Variants in PYGB observed in about 807,000 individuals in gnomAD.
PYGB encodes glycogen phosphorylase, brain form.
PYGB carries 82 observed loss-of-function variants against 94.3 expected under a neutral mutation model. That is an observed-to-expected ratio of 0.87 (90% CI 0.73 to 1.04). PYGB has a LOEUF of 1.04. Ranked by LOEUF, PYGB falls within the 50% of genes least tolerant of loss-of-function variation. The pLI, the probability that PYGB is intolerant of heterozygous loss-of-function variation, is 0.00. For missense variants in PYGB, 1,132 were observed against 1,158.2 expected (o/e 0.98, Z 0.33); for synonymous variants, 488 against 479.1 (o/e 1.02, Z -0.24).
At chr20:25,275,240 G>A (rs1297397739) in intron 5 of PYGB, among the ~76,000 whole-genome samples, 1 of 152,278 alleles carries the variant, frequency 6.6e-6, no homozygotes, top group Non-Finnish European at 1.5e-5. Flanking sequence ...ATCCGGGGAT[G>A]GGGCCAGGCC....
In PYGB at chr20:25,280,259, G is replaced by A; in HGVS notation, c.1093-7G>A. The A allele has an allele frequency of 4.3e-6, 7 of 1,613,788 alleles. No homozygotes were observed. Among genetic ancestry groups the A allele is most frequent in the East Asian group, 2.2e-5 (1 of 44,884 alleles). On this transcript the variant is annotated splice_polypyrimidine_tract_variant and splice_region_variant and intron_variant, in intron 9 of 19. Coordinates refer to ENST00000216962, the MANE Select transcript of PYGB (RefSeq NM_002862.4). ...CAAACACATGGGAACATTCTCTAAT[G>A]GCCTAGGCCTGGGAAATCACGAAGA...
In PYGB at chr20:25,283,212, C is replaced by T. The variant is rs1210713436; in HGVS notation, c.1555C>T (p.Leu519=). 6.2e-7 allele frequency: 1 copy of T among 1,613,756 alleles called. No homozygotes were observed. The highest frequency in any genetic ancestry group is 1.3e-5 in the African/African-American group (1 of 74,910). Residue 519 remains leucine, a synonymous_variant, in exon 13 of 20, where the codon CTG becomes TTG. Transcript: ENST00000216962. Reference sequence around the variant, plus strand: ...GGAGTTCCTGACTGACCTGAGCCAGCTGAAGAAGCTGCTGCCGCTGGTCAG... The same window carrying T: ...GGAGTTCCTGACTGACCTGAGCCAGTTGAAGAAGCTGCTGCCGCTGGTCAG... ...GEEFLTDLSQ[L]KKLLPLVSDE... is the part of the protein sequence containing the mutation.
At position 25,277,333 on chromosome 20, in the gene PYGB, A is replaced by G. The variant is rs772585110; in HGVS notation, c.855+7A>G. The G allele has an allele frequency of 7.1e-6, 11 of 1,551,570 alleles. No individual in the cohort carries two copies. In the Admixed American group the frequency reaches 1.2e-4, roughly 16 times the overall value. ...CCTGTATCCAAATGATAACGTGAGT[A>G]GCTGGCCTGGGCACTCTTGCTCAGG... is the stretch of plus-strand genomic sequence containing the variant. On this transcript the variant is annotated splice_region_variant and intron_variant, in intron 7 of 19. Transcript: ENST00000216962.
Position 25,248,258 on chromosome 20 carries a change from A to G in PYGB, c.80A>G (p.Glu27Gly). 1 of 1,599,476 alleles carries G rather than the reference A, an allele frequency of 6.3e-7. No homozygotes were observed. Residue 27 changes from glutamate (E) to glycine (G), a missense_variant, in exon 1 of 20, where the codon GAG (glutamate) becomes GGG (glycine). Transcript: ENST00000216962. ...RGLAGLGDVA[E>G]VRKSFNRHLH... is the part of the protein sequence containing the mutation. ...CTGGCGGGGCTAGGCGACGTGGCCGAGGTGCGGAAGAGCTTCAACCGGCAC... is the reference window on the plus strand; with the variant it reads ...CTGGCGGGGCTAGGCGACGTGGCCGGGGTGCGGAAGAGCTTCAACCGGCAC...
intron 3 of PYGB, among the ~76,000 whole-genome samples, chr20:25,269,907 G>C (rs781208479): frequency 8.5e-5 from 13 of 152,090 alleles, no homozygotes; most frequent in Non-Finnish European, 1.6e-4. Context: ...CCTGCCCCTT[G>C]CCTTCTCCCT....
rs1279885352 is a variant in PYGB, at chr20:25,259,368, T to G, written c.345+30T>G. 2.0e-6 allele frequency: 3 copies of G among 1,518,288 alleles called. No homozygotes were observed. The African/African-American group carries it at 4.1e-5, about 21-fold the overall frequency. The allele number at this position is 1,518,288 out of a possible 1,614,324, so 94.1% of individuals were successfully genotyped here. ...AGAGCCTCATGGCCGGGCTTCTGGG[T>G]GGCCCCTCGTGGTGCTTTGAGGTCT... On this transcript the variant is annotated intron_variant, in intron 2 of 19. Coordinates refer to ENST00000216962, the MANE Select transcript of PYGB (RefSeq NM_002862.4).
chr20:25,286,946 A>G (rs923475297), intron 14 of PYGB, among the ~76,000 whole-genome samples: 3 of 152,158 alleles, frequency 2.0e-5, no homozygotes, highest in African/African-American at 4.8e-5. Context: ...GCTGATTTCC[A>G]GAAGTGACAA....
intron 12 of PYGB, among the ~76,000 whole-genome samples, 179 bp from the exon 13 acceptor site, chr20:25,282,997 G>A (rs1365303205): frequency 6.6e-6 from 1 of 152,140 alleles, no homozygotes; most frequent in Non-Finnish European, 1.5e-5. Context: ...CTCAGAAGAG[G>A]AAGGAGGGGC....
At chr20:25,274,511 G>T (rs560745480) in intron 4 of PYGB, 81 bp from the exon 5 acceptor site, 3 of 1,526,460 alleles carry the variant, frequency 2.0e-6, no homozygotes, top group African/African-American at 2.8e-5. Context: ...GATCTCGACC[G>T]CACGGTCTGC....
At chr20:25,273,840 T>A (rs2088287520) in intron 4 of PYGB, among the ~76,000 whole-genome samples, 1 of 152,188 alleles carries the variant, frequency 6.6e-6, no homozygotes, top group Non-Finnish European at 1.5e-5. Context: ...CTTTCTTTTT[T>A]AATTTTAATT....
intron 2 of PYGB, among the ~76,000 whole-genome samples, chr20:25,265,076 G>C (rs1241277092): frequency 6.6e-6 from 1 of 152,170 alleles, no homozygotes; most frequent in Non-Finnish European, 1.5e-5. Flanking sequence ...TACCAAAACA[G>C]AGATATAGAC....
intron 1 of PYGB, among the ~76,000 whole-genome samples, chr20:25,255,158 A>G (rs1237174276): frequency 1.3e-5 from 2 of 152,226 alleles, no homozygotes; most frequent in South Asian, 2.1e-4. Flanking sequence ...TACAGCAGAT[A>G]CAGTAGTGGA....
chr20:25,293,448 A>G (rs983578451), intron 17 of PYGB, among the ~76,000 whole-genome samples: 26 of 152,126 alleles, frequency 1.7e-4, no homozygotes, highest in Non-Finnish European at 2.8e-4. Flanking sequence ...TGAGGAATCC[A>G]GCACGGGCCT....
At chr20:25,294,329 AG>A in intron 18 of PYGB, 37 bp downstream of exon 18, 4 of 316,880 alleles carry the variant, frequency 1.3e-5, no homozygotes, top group Non-Finnish European at 2.5e-5. Flanking sequence ...GCTGGGAGGG[AG>A]GGAGGGAGGG....
chr20:25,283,085 C>T lies in PYGB; in HGVS notation c.1519-91C>T, dbSNP rs566063454. The T allele has an allele frequency of 2.5e-4, 264 of 1,060,876 alleles. 3 individuals are homozygous for T. In the South Asian group the frequency reaches 3.4e-3, roughly 14 times the overall value. The allele number at this position is 1,060,876 out of a possible 1,614,324, so 65.7% of individuals were successfully genotyped here. ...AGCAGATCCCAGGGGAAAGCAGGGG[C>T]GTGGGCAACAATGGGAGGAGGGCAG... On this transcript the variant is annotated intron_variant, in intron 12 of 19. Transcript: ENST00000216962.
intron 14 of PYGB, 99 bp from the exon 15 acceptor site, chr20:25,288,326 C>T: frequency 7.5e-7 from 1 of 1,337,452 alleles, no homozygotes; most frequent in South Asian, 1.2e-5. Context: ...CGGAGCGTGC[C>T]TGTCCTGCCT....
rs2088573378 is a variant in PYGB, at chr20:25,297,831, G to A, written c.*1309G>A. 6.6e-6 allele frequency: 1 copy of A among 151,984 alleles called. No individual in the cohort carries two copies. Among genetic ancestry groups the A allele is most frequent in the African/African-American group, 2.4e-5 (1 of 41,392 alleles). 9.4% of individuals were successfully genotyped at this position (151,984 alleles called of 1,614,324 possible). A position where few individuals can be genotyped will look rare whatever the true frequency, so the allele number is the denominator to read the frequency against. On this transcript the variant is annotated 3_prime_UTR_variant, in exon 20 of 20. Transcript: ENST00000216962. Reference sequence around the variant, plus strand: ...AGAGCACTACAGCCTTTTATTGAGTGGGGCAAGTGCTGGGCTGTGGTCGTG... The same window carrying A: ...AGAGCACTACAGCCTTTTATTGAGTAGGGCAAGTGCTGGGCTGTGGTCGTG...
In PYGB at chr20:25,270,250, T is replaced by C. The variant is rs1431493731; in HGVS notation, c.424+1043T>C. Among the ~76,000 whole-genome samples, 7 of 149,094 alleles carry C rather than the reference T, an allele frequency of 4.7e-5. No individual in the cohort carries two copies. The East Asian group carries it at 1.2e-3, about 25-fold the overall frequency. ...TGGAGTCTCACTCCGTCGGCCAGGC[T>C]GGAGTGCAGTGGGTGATCTCGGCTC... On this transcript the variant is annotated intron_variant, in intron 3 of 19. Transcript: ENST00000216962.
At chr20:25,266,725 C>A (rs1268901233) in intron 2 of PYGB, among the ~76,000 whole-genome samples, 1 of 152,140 alleles carries the variant, frequency 6.6e-6, no homozygotes, top group East Asian at 1.9e-4. Context: ...TTGGATGTTT[C>A]TCCAAAGATG....
Sources: gnomAD v4.1 joint callset for allele counts (sites outside exome capture counted in the v4.1 genomes callset) on GRCh38, gnomAD v4.1.1 for gene constraint, MANE v1.5 for transcripts, NCBI Gene and HGNC (gene_info 2026-07-23, HGNC 2026-07-21) for gene names.